CENPP: variants seen among roughly 807,000 people sequenced by gnomAD.
CENPP encodes centromere protein P.
Under a neutral mutation model 35.6 loss-of-function variants are expected in CENPP, and 24 were observed. The observed-to-expected ratio is 0.67, with a 90% CI of 0.49 to 0.95. The LOEUF is 0.95. Ranked by LOEUF, CENPP falls within the 40% of genes least tolerant of loss-of-function variation. CENPP has a pLI of 0.00. For synonymous variants in CENPP, 120 were observed against 125.5 expected (o/e 0.96, Z 0.29); for missense variants, 332 against 345.3 (o/e 0.96, Z 0.31).
rs770043271 is a variant in CENPP at position 92,514,675 on chromosome 9, A to G, written c.565-96639A>G. On this transcript the variant is annotated intron_variant, in intron 5 of 7. Transcript: ENST00000375587. Reference sequence around the variant, plus strand: ...TATCTGTGGTGCTGTCAGCGGTGGTATCTGGGTAAGCATGGCGTTGATGCA... The same window carrying G: ...TATCTGTGGTGCTGTCAGCGGTGGTGTCTGGGTAAGCATGGCGTTGATGCA... 4 of 1,606,476 alleles carry G rather than the reference A, an allele frequency of 2.5e-6. No individual in the cohort carries two copies. In the Admixed American group the frequency reaches 6.7e-5, roughly 27 times the overall value.
At chr9:92,471,711 G>A (rs1445186698) in intron 5 of CENPP, among the ~76,000 whole-genome samples, 6 of 147,160 alleles carry the variant, frequency 4.1e-5, no homozygotes, top group Admixed American at 6.8e-5. Flanking sequence ...CTGTCGCCCC[G>A]GCTGGAGTGC....
intron 5 of CENPP, among the ~76,000 whole-genome samples, chr9:92,568,655 G>A (rs889841693): frequency 2.2e-4 from 34 of 152,268 alleles, no homozygotes; most frequent in African/African-American, 7.2e-4. Context: ...CTGAGGAATC[G>A]CCACACTGTC....
At position 92,429,719 on chromosome 9, in the gene CENPP, G is replaced by A. The variant is rs534667322; in HGVS notation, c.564+49860G>A. Among the ~76,000 whole-genome samples the A allele has an allele frequency of 1.7e-3, 256 of 152,110 alleles. 1 individual carries two copies. The highest frequency in any genetic ancestry group is 0.011 in the South Asian group (52 of 4,814). On this transcript the variant is annotated intron_variant, in intron 5 of 7. Coordinates refer to ENST00000375587, the MANE Select transcript of CENPP (RefSeq NM_001012267.3). Reference sequence around the variant, plus strand: ...GGAGAATTCCTTGAACCCAGGAGGCGGAGGTTGCAGTGAGCCGAGATTGCA... The same window carrying A: ...GGAGAATTCCTTGAACCCAGGAGGCAGAGGTTGCAGTGAGCCGAGATTGCA...
At chr9:92,488,832 AT>A (rs1330323782) in intron 5 of CENPP, among the ~76,000 whole-genome samples, 1 of 152,216 alleles carries the variant, frequency 6.6e-6, no homozygotes, top group Non-Finnish European at 1.5e-5. Flanking sequence ...AACATGATGT[AT>A]TCCTTTTCTT....
intron 5 of CENPP, chr9:92,493,799 A>C (rs1846236883): frequency 4.4e-6 from 1 of 228,982 alleles, no homozygotes; most frequent in South Asian, 1.4e-4. Context: ...AAATAAGTAC[A>C]ACTTCCACTT....
intron 5 of CENPP, chr9:92,385,840 C>T: frequency 6.3e-7 from 1 of 1,585,158 alleles, no homozygotes; most frequent in Non-Finnish European, 8.7e-7. Context: ...ATCAACCTTT[C>T]ATATGCTATA....
intron 5 of CENPP, chr9:92,393,274 G>A: frequency 6.5e-7 from 1 of 1,544,112 alleles, no homozygotes; most frequent in South Asian, 1.2e-5. Flanking sequence ...ATAAAAATAT[G>A]AACAATCGTT....
Position 92,344,887 on chromosome 9 carries a change from G to T in CENPP, c.379-812G>T, listed in dbSNP as rs79795060. ...TTATAGGTAAAAATGGCATCTTATC[G>T]GCCAGGCGCGGTGGCTCCCGCCTGT... On this transcript the variant is annotated intron_variant, in intron 3 of 7. Coordinates refer to ENST00000375587, the MANE Select transcript of CENPP (RefSeq NM_001012267.3). Among the ~76,000 whole-genome samples, 170 of 150,502 alleles carry T rather than the reference G, an allele frequency of 1.1e-3. 3 individuals carry two copies. In the East Asian group the frequency reaches 0.028, roughly 25 times the overall value.
chr9:92,372,498 AT>A (rs1842033396), intron 4 of CENPP, among the ~76,000 whole-genome samples: 1 of 151,628 alleles, frequency 6.6e-6, no homozygotes, highest in South Asian at 2.1e-4. Flanking sequence ...TGTTTGAATT[AT>A]TTTCTTGCTT....
intron 5 of CENPP, among the ~76,000 whole-genome samples, chr9:92,455,697 G>A (rs1844852930): frequency 6.6e-6 from 1 of 152,216 alleles, no homozygotes; most frequent in Admixed American, 6.5e-5. Context: ...TAATATAAAG[G>A]TGATTATCTT....
intron 5 of CENPP, chr9:92,514,511 G>A (rs1847560466): frequency 1.6e-5 from 21 of 1,334,386 alleles, no homozygotes; most frequent in Non-Finnish European, 2.1e-5. Flanking sequence ...CTGACCTCAG[G>A]TGATCTGGCC....
intron 5 of CENPP, among the ~76,000 whole-genome samples, chr9:92,579,114 T>A (rs1350656202): frequency 2.7e-5 from 4 of 150,760 alleles, no homozygotes; most frequent in South Asian, 4.3e-4. Context: ...TAGTTGTAGA[T>A]ATGCAGCATT....
chr9:92,522,890 A>G lies in CENPP; in HGVS notation c.565-88424A>G, dbSNP rs1421088465. On this transcript the variant is annotated intron_variant, in intron 5 of 7. Transcript: ENST00000375587. The stretch of plus-strand genomic sequence containing the variant: ...ATGTTTGATTTTTTTCCACCAGCCA[A>G]TTTCTAGAATGAAACAATATTTCAA... 1.9e-6 allele frequency: 3 copies of G among 1,573,382 alleles called. No individual in the cohort carries two copies. The African/African-American group carries it at 4.1e-5, about 21-fold the overall frequency.
intron 5 of CENPP, among the ~76,000 whole-genome samples, chr9:92,560,853 CT>C (rs1849831023): frequency 6.7e-6 from 1 of 148,240 alleles, no homozygotes; most frequent in South Asian, 2.1e-4. Context: ...TCTATGCAGC[CT>C]TCCTTTTTCT....
chr9:92,404,384 A>C, intron 5 of CENPP: 1 of 570,790 alleles, frequency 1.8e-6, no homozygotes, highest in South Asian at 2.0e-5. Context: ...AAATTAATTG[A>C]GGTAACTGAA....
intron 5 of CENPP, among the ~76,000 whole-genome samples, chr9:92,533,322 AAAAAAAAT>A (rs1483809824): frequency 1.1e-4 from 10 of 89,528 alleles, no homozygotes; most frequent in Non-Finnish European, 2.2e-4. Flanking sequence ...AAAAAAAAAA[AAAAAAAAT>A]ATATATATAT....
chr9:92,390,424 A>T (rs895246404), intron 5 of CENPP, among the ~76,000 whole-genome samples: 58 of 152,032 alleles, frequency 3.8e-4, no homozygotes, highest in African/African-American at 1.4e-3. Context: ...AATTTTTTTT[A>T]TTTTTTTGCT....
intron 4 of CENPP, among the ~76,000 whole-genome samples, chr9:92,360,012 T>C (rs906621034): frequency 2.6e-5 from 4 of 152,174 alleles, no homozygotes; most frequent in Non-Finnish European, 5.9e-5. Flanking sequence ...AGTTTCCAAA[T>C]GGTTATATCA....
At chr9:92,507,781 A>G (rs1460244880) in intron 5 of CENPP, among the ~76,000 whole-genome samples, 1 of 151,204 alleles carries the variant, frequency 6.6e-6, no homozygotes, top group African/African-American at 2.4e-5. Context: ...CACCTTTCAC[A>G]CCTCTCTCTC....
Sources: allele counts gnomAD v4.1 joint callset (sites outside exome capture counted in the v4.1 genomes callset), GRCh38; gene constraint gnomAD v4.1.1; transcripts MANE v1.5; gene names NCBI Gene and HGNC (gene_info 2026-07-23, HGNC 2026-07-21).